WWP2: variants seen among roughly 807,000 people sequenced by gnomAD.
The protein encoded by WWP2 is NEDD4-like E3 ubiquitin-protein ligase WWP2.
A neutral mutation model predicts 121.0 loss-of-function variants in WWP2; 57 were observed. The ratio of observed to expected loss-of-function variants is 0.47; its 90% CI spans 0.38 to 0.59. WWP2 has a LOEUF of 0.59. Among genes scored for constraint, WWP2 ranks in the 20% least tolerant of loss-of-function variants. WWP2 has a pLI of 0.00. For synonymous variants in WWP2, 449 were observed against 441.3 expected (o/e 1.02, Z -0.22); for missense variants, 962 against 1,158.9 (o/e 0.83, Z 2.47).
chr16:69,864,672 C>T (rs1460540517), intron 6 of WWP2, among the ~76,000 whole-genome samples: 1 of 151,078 alleles, frequency 6.6e-6, no homozygotes, highest in Non-Finnish European at 1.5e-5. Context: ...GCCTCAGCCT[C>T]CTGAGTAGCT....
At position 69,937,888 on chromosome 16, in the gene WWP2, C is replaced by A. The variant is rs911378724; in HGVS notation, c.2343+236C>A. The stretch of plus-strand genomic sequence containing the variant: ...GGTCAGCCTTGGGCCAGCTGGTGTG[C>A]AGGGACAGACCTGCAGGCAGACAGC... On this transcript the variant is annotated intron_variant, in intron 21 of 23. Coordinates refer to ENST00000359154, the MANE Select transcript of WWP2 (RefSeq NM_001270454.2). The surrounding 1 kb of genome is among the most constrained non-coding windows in gnomAD (Gnocchi z 6.6). 6.6e-6 allele frequency among the ~76,000 whole-genome samples: 1 copy of A among 152,144 alleles called. No individual in the cohort carries two copies. The highest frequency in any genetic ancestry group is 1.5e-5 in the Non-Finnish European group (1 of 68,012).
chr16:69,881,794 C>G (rs945187410), intron 7 of WWP2, among the ~76,000 whole-genome samples: 1 of 152,202 alleles, frequency 6.6e-6, no homozygotes, highest in Non-Finnish European at 1.5e-5. Context: ...TGGGCTCAAG[C>G]GATTCTCCTG....
intron 8 of WWP2, among the ~76,000 whole-genome samples, chr16:69,892,259 G>A (rs191487752): frequency 1.3e-5 from 2 of 151,974 alleles, no homozygotes; most frequent in African/African-American, 2.4e-5. Context: ...CGTTACATAG[G>A]TATACACGTG....
At chr16:69,852,751 C>T (rs889674509) in intron 6 of WWP2, among the ~76,000 whole-genome samples, 64 of 152,054 alleles carry the variant, frequency 4.2e-4, no homozygotes, top group African/African-American at 1.4e-3. Context: ...TATGTTTTGC[C>T]AATATTTTCT....
rs2058227615 is a variant in WWP2 at position 69,902,908 on chromosome 16, C to T, written c.915-5853C>T. The stretch of plus-strand genomic sequence containing the variant: ...GAGATTTGTGTGAATTATGAATAGC[C>T]ATGCAGGTGAGGGAGGAGTGAGGTT... On this transcript the variant is annotated intron_variant, in intron 8 of 23. Coordinates refer to ENST00000359154, the MANE Select transcript of WWP2 (RefSeq NM_001270454.2). Among the ~76,000 whole-genome samples, 4 of 152,070 alleles carry T rather than the reference C, an allele frequency of 2.6e-5. No individual in the cohort carries two copies. The South Asian group carries it at 6.2e-4, about 24-fold the overall frequency.
At chr16:69,801,156 TCCA>T (rs1396033366) in intron 4 of WWP2, among the ~76,000 whole-genome samples, 1 of 143,024 alleles carries the variant, frequency 7.0e-6, no homozygotes, top group Non-Finnish European at 1.5e-5. Context: ...GCCACTGCAC[TCCA>T]GCCTGGGTGA....
At chr16:69,793,815 A>G (rs1197511457) in intron 2 of WWP2, among the ~76,000 whole-genome samples, 1 of 150,546 alleles carries the variant, frequency 6.6e-6, no homozygotes, top group Non-Finnish European at 1.5e-5. Context: ...CCTACCTCTT[A>G]TTAGAATTCA....
At chr16:69,917,620 C>T (rs915281105) in intron 9 of WWP2, 89 bp from the exon 10 acceptor site, 3 of 1,488,412 alleles carry the variant, frequency 2.0e-6, no homozygotes, top group African/African-American at 1.4e-5. Flanking sequence ...AGGGCCTGCC[C>T]GGCTGTGCTA....
At chr16:69,880,772 T>C (rs1365729895) in intron 7 of WWP2, among the ~76,000 whole-genome samples, 2 of 152,226 alleles carry the variant, frequency 1.3e-5, no homozygotes, top group African/African-American at 4.8e-5. Context: ...ACCAACTGCT[T>C]TACTGTGGCC....
chr16:69,780,044 G>A (rs1349596005), intron 1 of WWP2, among the ~76,000 whole-genome samples: 1 of 152,204 alleles, frequency 6.6e-6, no homozygotes, highest in South Asian at 2.1e-4. Context: ...TGTAGATACA[G>A]TTGAGGTTCC....
In WWP2 at chr16:69,937,345, TC is replaced by T. The variant is rs2058815060; in HGVS notation, c.2238+108del. 2.0e-6 allele frequency: 3 copies of T among 1,533,528 alleles called. No individual in the cohort carries two copies. The Admixed American group carries it at 5.7e-5, about 29-fold the overall frequency. 95.0% of individuals were successfully genotyped at this position (1,533,528 alleles called of 1,614,324 possible). A position where few individuals can be genotyped will look rare whatever the true frequency, so the allele number is the denominator to read the frequency against. On this transcript the variant is annotated intron_variant, in intron 20 of 23. Coordinates refer to ENST00000359154, the MANE Select transcript of WWP2 (RefSeq NM_001270454.2). This position sits in a 1 kb window ranked among gnomAD's most constrained non-coding sequence, Gnocchi z 6.6. Reference sequence around the variant, plus strand: ...AGACACTCAGCGTAAAACTCCCACTTCGGCAGGGCAGATGGGTTTGATTTGG... The same window carrying T: ...AGACACTCAGCGTAAAACTCCCACTTGGCAGGGCAGATGGGTTTGATTTGG...
Position 69,933,852 on chromosome 16 carries a change from T to C in WWP2, c.1683-118T>C. On this transcript the variant is annotated intron_variant, in intron 16 of 23. Coordinates refer to ENST00000359154, the MANE Select transcript of WWP2 (RefSeq NM_001270454.2). ...CCGGGTGCTTGTCACAGGGCTCGAC[T>C]CCCTGGGACACGTGTCCCCATACTA... is the stretch of plus-strand genomic sequence containing the variant. The C allele has an allele frequency of 4.9e-6, 6 of 1,218,126 alleles. No individual in the cohort carries two copies. In the South Asian group the frequency reaches 7.1e-5, roughly 14 times the overall value. 75.5% of individuals were successfully genotyped at this position (1,218,126 alleles called of 1,614,324 possible). A position where few individuals can be genotyped will look rare whatever the true frequency, so the allele number is the denominator to read the frequency against.
At chr16:69,827,810 C>G (rs2056729828) in intron 4 of WWP2, 1 of 446,404 alleles carries the variant, frequency 2.2e-6, no homozygotes, top group Admixed American at 2.4e-5. Context: ...ATGAGGAGCA[C>G]TAATGACAAG....
chr16:69,939,257 G>C (rs934986777), intron 22 of WWP2, 84 bp from the exon 23 acceptor site: 14 of 1,586,944 alleles, frequency 8.8e-6, no homozygotes, highest in South Asian at 7.8e-5. Context: ...CTGGGGCCGA[G>C]CCCATCTGTG....
In WWP2 at chr16:69,791,379, C is replaced by T. The variant is rs1362903174; in HGVS notation, c.70+4299C>T. 5.3e-5 allele frequency among the ~76,000 whole-genome samples: 8 copies of T among 151,990 alleles called. No individual in the cohort carries two copies. The East Asian group carries it at 1.5e-3, about 29-fold the overall frequency. ...AGAAGCTGGGATTACAGGCACCTGC[C>T]ACCACACCCGGCTAATTTTCGTATT... is the stretch of plus-strand genomic sequence containing the variant. On this transcript the variant is annotated intron_variant, in intron 2 of 23. Transcript: ENST00000359154.
rs528141977 is a variant in WWP2, at chr16:69,770,205, C to G, written c.-16+7814C>G. ...AATAATTGACCTTTGGTTGGGGACT[C>G]CTGGATAGTCTCAGGATTTGGGGGC... On this transcript the variant is annotated intron_variant, in intron 1 of 23. Transcript: ENST00000359154. 4.5e-4 allele frequency among the ~76,000 whole-genome samples: 68 copies of G among 152,216 alleles called. No homozygotes were observed. The Middle Eastern group carries it at 0.014, about 30-fold the overall frequency.
chr16:69,903,559 A>C (rs2058238322), intron 8 of WWP2, among the ~76,000 whole-genome samples: 1 of 152,054 alleles, frequency 6.6e-6, no homozygotes, highest in East Asian at 1.9e-4. Flanking sequence ...ACAAGGTCAG[A>C]AGATCGAGAC....
chr16:69,827,846 A>G (rs2056730328), intron 4 of WWP2: 3 of 454,100 alleles, frequency 6.6e-6, no homozygotes, highest in Admixed American at 2.4e-5. Context: ...TGAACTGATA[A>G]TTTATTCTAA....
chr16:69,865,194 C>T (rs905255513), intron 6 of WWP2, among the ~76,000 whole-genome samples: 3 of 152,096 alleles, frequency 2.0e-5, no homozygotes, highest in East Asian at 3.9e-4. Context: ...GGACTACAGG[C>T]GCTTGCCACC....
Sources: gnomAD v4.1 joint callset for allele counts (sites outside exome capture counted in the v4.1 genomes callset) on GRCh38, gnomAD v4.1.1 for gene constraint, Gnocchi (gnomAD v3.1) non-coding constraint, MANE v1.5 for transcripts, NCBI Gene and HGNC (gene_info 2026-07-23, HGNC 2026-07-21) for gene names.